The following GYS2 variants were observed in gnomAD, a reference collection of about 807,000 sequenced individuals.
GYS2 encodes glycogen synthase 2.
A neutral mutation model predicts 85.6 loss-of-function variants in GYS2; 80 were observed. That is an observed-to-expected ratio of 0.93 (90% CI 0.78 to 1.13). The LOEUF (loss-of-function observed/expected upper bound fraction) is 1.13, where lower values mean the gene tolerates loss of function less well. GYS2 is among the 50% of genes most tolerant of loss of function. The probability of loss-of-function intolerance (pLI) is 0.00; values close to 1 mark genes in which losing one functional copy is unlikely to be tolerated. For synonymous variants in GYS2, 328 were observed against 300.7 expected (o/e 1.09, Z -0.94); for missense variants, 881 against 854.9 (o/e 1.03, Z -0.38).
At chr12:21,579,860 A>G (rs1944488957) in intron 2 of GYS2, among the ~76,000 whole-genome samples, 3 of 152,188 alleles carry the variant, frequency 2.0e-5, no homozygotes, top group African/African-American at 4.8e-5. Flanking sequence ...CACATCTGCC[A>G]TATTCCATTT....
At chr12:21,550,467 GCT>G (rs1247525799) in intron 11 of GYS2, among the ~76,000 whole-genome samples, 1 of 151,862 alleles carries the variant, frequency 6.6e-6, no homozygotes, top group Non-Finnish European at 1.5e-5. Flanking sequence ...CTCCATTCTG[GCT>G]CTGACACTGC....
Position 21,603,368 on chromosome 12 carries a change from C to T in GYS2, c.121+1104G>A, listed in dbSNP as rs1311590718. Among the ~76,000 whole-genome samples the T allele has an allele frequency of 2.6e-5, 4 of 152,010 alleles. 1 individual carries two copies. The highest frequency in any genetic ancestry group is 6.6e-5 in the Admixed American group (1 of 15,244). On this transcript the variant is annotated intron_variant, in intron 1 of 15. Coordinates refer to ENST00000261195, the MANE Select transcript of GYS2 (RefSeq NM_021957.4). The stretch of plus-strand genomic sequence containing the variant: ...TTTTGATTTTATGAATGCATACACA[C>T]GAGAACTTTGAACAGTTAGTATAAG...
chr12:21,568,217 A>G (rs893701680), intron 5 of GYS2, among the ~76,000 whole-genome samples: 2 of 152,328 alleles, frequency 1.3e-5, no homozygotes, highest in Middle Eastern at 3.4e-3. Context: ...AACACTACCA[A>G]TAGCTTTGAG....
chr12:21,565,404 T>C (rs1271487745), intron 5 of GYS2, among the ~76,000 whole-genome samples: 1 of 115,864 alleles, frequency 8.6e-6, no homozygotes, highest in Non-Finnish European at 1.8e-5. Context: ...TATATATATA[T>C]ATATATATAT....
chr12:21,591,627 AC>A (rs1455215543), intron 1 of GYS2, among the ~76,000 whole-genome samples: 4 of 152,194 alleles, frequency 2.6e-5, no homozygotes, highest in African/African-American at 9.6e-5. Flanking sequence ...AGACATCCAG[AC>A]AAATGAAAAT....
At chr12:21,585,895 C>T (rs561288630) in intron 1 of GYS2, among the ~76,000 whole-genome samples, 11 of 152,108 alleles carry the variant, frequency 7.2e-5, no homozygotes, top group Admixed American at 1.3e-4. Flanking sequence ...TTCAATTGCA[C>T]GAAGGATAGT....
rs767930084 is a variant in GYS2, at chr12:21,574,278, A to G, written c.544T>C (p.Trp182Arg). The G allele has an allele frequency of 4.3e-6, 7 of 1,613,898 alleles. No individual in the cohort carries two copies. In the Admixed American group the frequency reaches 1.2e-4, roughly 27 times the overall value. ...AGGATCAGTCCAATTCCAGCCTGCCATTCATGGAATTGGGCAACGACATAT... is the reference window on the plus strand; with the variant it reads ...AGGATCAGTCCAATTCCAGCCTGCCGTTCATGGAATTGGGCAACGACATAT... ...GKYVVAQFHE[W>R]QAGIGLILSR... The change falls in exon 4 of 16, where the codon TGG becomes CGG. Residue 182 changes from tryptophan to arginine, a missense_variant. Coordinates refer to ENST00000261195, the MANE Select transcript of GYS2 (RefSeq NM_021957.4).
chr12:21,553,136 A>T (rs781472581), intron 11 of GYS2, among the ~76,000 whole-genome samples: 3 of 152,184 alleles, frequency 2.0e-5, no homozygotes, highest in Admixed American at 6.5e-5. Flanking sequence ...TGCATCCTCA[A>T]ACTCCTGGCC....
At chr12:21,566,986 G>T (rs985002228) in intron 5 of GYS2, among the ~76,000 whole-genome samples, 1 of 152,088 alleles carries the variant, frequency 6.6e-6, no homozygotes, top group African/African-American at 2.4e-5. Flanking sequence ...ATGATTAGAG[G>T]CACCAGAAAA....
At chr12:21,574,853 T>G (rs7979343) in intron 3 of GYS2, among the ~76,000 whole-genome samples, 147,371 of 151,662 alleles carry the variant, frequency 0.97, 71,751 homozygotes, top group East Asian at 1. Context: ...ATTTGTAGTG[T>G]CCCAATTATG....
chr12:21,542,672 A>T (rs984922923), intron 12 of GYS2, 81 bp from the exon 13 acceptor site: 3 of 823,010 alleles, frequency 3.6e-6, no homozygotes, highest in Non-Finnish European at 6.3e-6. Flanking sequence ...AAAAGGCCCT[A>T]GTCCTCCTAA....
chr12:21,545,652 A>G (rs1267383687), intron 12 of GYS2, among the ~76,000 whole-genome samples: 2 of 152,242 alleles, frequency 1.3e-5, no homozygotes, highest in Admixed American at 1.3e-4. Flanking sequence ...CGGTCCAGAA[A>G]AGAAAAATAC....
chr12:21,577,174 T>C (rs1350871289), intron 2 of GYS2, among the ~76,000 whole-genome samples: 1 of 152,210 alleles, frequency 6.6e-6, no homozygotes, highest in Non-Finnish European at 1.5e-5. Flanking sequence ...ATCATGCCAC[T>C]GTTTCCTTTT....
chr12:21,549,048 G>A (rs1370229251), intron 11 of GYS2, among the ~76,000 whole-genome samples: 2 of 146,302 alleles, frequency 1.4e-5, no homozygotes, highest in Admixed American at 1.4e-4. Flanking sequence ...AATAGTTCAG[G>A]TTTAGCCTTA....
intron 12 of GYS2, among the ~76,000 whole-genome samples, chr12:21,544,740 G>A (rs544125856): frequency 1.2e-4 from 19 of 152,246 alleles, no homozygotes; most frequent in Non-Finnish European, 2.5e-4. Context: ...GAGATACCCG[G>A]AAGAGTTAGA....
intron 11 of GYS2, among the ~76,000 whole-genome samples, chr12:21,553,719 G>A (rs762575976): frequency 7.2e-5 from 11 of 152,002 alleles, no homozygotes; most frequent in Non-Finnish European, 1.6e-4. Flanking sequence ...CTGAATACAG[G>A]AAAAAGTGGT....
intron 14 of GYS2, among the ~76,000 whole-genome samples, chr12:21,539,962 C>A (rs1943952931): frequency 6.6e-6 from 1 of 152,140 alleles, no homozygotes; most frequent in Non-Finnish European, 1.5e-5. Flanking sequence ...TGTTTATAAA[C>A]CTATTGCATG....
intron 2 of GYS2, 74 bp from the exon 3 acceptor site, chr12:21,576,131 G>A (rs11046126): frequency 3.9e-5 from 47 of 1,201,482 alleles, no homozygotes; most frequent in Admixed American, 3.9e-4. Context: ...GCACTCTGAG[G>A]ATATAAACTT....
At chr12:21,563,993 G>T (rs1388334582) in intron 5 of GYS2, among the ~76,000 whole-genome samples, 1 of 152,096 alleles carries the variant, frequency 6.6e-6, no homozygotes, top group Non-Finnish European at 1.5e-5. Flanking sequence ...TAACACAACT[G>T]ATTCATTCTT....
Sources: allele counts gnomAD v4.1 joint callset (sites outside exome capture counted in the v4.1 genomes callset), GRCh38; gene constraint gnomAD v4.1.1; transcripts MANE v1.5; gene names NCBI Gene and HGNC (gene_info 2026-07-23, HGNC 2026-07-21).